TMEM182: variants seen among roughly 807,000 people sequenced by gnomAD.
The protein encoded by TMEM182 is transmembrane protein 182.
In TMEM182, 20 loss-of-function variants were observed where a neutral mutation model predicts 26.8. The ratio of observed to expected loss-of-function variants is 0.75; its 90% CI spans 0.53 to 1.09. The LOEUF (loss-of-function observed/expected upper bound fraction) is 1.09. Among genes scored for constraint, TMEM182 ranks in the 50% least tolerant of loss-of-function variants. The pLI, the probability that TMEM182 is intolerant of heterozygous loss-of-function variation, is 0.00. For synonymous variants in TMEM182, 109 were observed against 102.2 expected (o/e 1.07, Z -0.40); for missense variants, 277 against 275.5 (o/e 1.01, Z -0.04).
At chr2:102,810,920 A>G (rs1394916146) in intron 4 of TMEM182, among the ~76,000 whole-genome samples, 1 of 152,078 alleles carries the variant, frequency 6.6e-6, no homozygotes, top group Non-Finnish European at 1.5e-5. Context: ...GTTATTGTTT[A>G]TGTTTTTAAA....
intron 3 of TMEM182, among the ~76,000 whole-genome samples, chr2:102,771,637 G>A (rs2104676157): frequency 6.6e-6 from 1 of 152,160 alleles, no homozygotes; most frequent in Middle Eastern, 3.4e-3. Context: ...CCAGCAGCAT[G>A]GCCTGGGTTC....
chr2:102,748,890 C>T (rs532322393), intron 1 of TMEM182, among the ~76,000 whole-genome samples: 2 of 152,170 alleles, frequency 1.3e-5, no homozygotes, highest in African/African-American at 2.4e-5. Flanking sequence ...TTTGATTCTC[C>T]ACCACTCTTA....
intron 1 of TMEM182, among the ~76,000 whole-genome samples, chr2:102,746,267 C>T (rs1679692984): frequency 6.6e-6 from 1 of 151,696 alleles, no homozygotes; most frequent in South Asian, 2.1e-4. Flanking sequence ...GATAATTTTC[C>T]TGTTTTTTAA....
upstream of TMEM182, among the ~76,000 whole-genome samples, chr2:102,758,222 C>G (rs1680105336): frequency 6.6e-6 from 1 of 152,010 alleles, no homozygotes. Flanking sequence ...TTTTCCTGGC[C>G]TTTCATTAAA....
intron 4 of TMEM182, among the ~76,000 whole-genome samples, chr2:102,799,941 A>G (rs1408728739): frequency 2.0e-5 from 3 of 152,134 alleles, no homozygotes. Flanking sequence ...AAGGTCAGAG[A>G]AAAACTTTTG....
At chr2:102,741,400 T>C (rs1384263782) in intron 1 of TMEM182, among the ~76,000 whole-genome samples, 1 of 151,976 alleles carries the variant, frequency 6.6e-6, no homozygotes, top group Non-Finnish European at 1.5e-5. Context: ...TTCCGTCAGG[T>C]TCCCAGCAGA....
At chr2:102,821,043 C>A (rs1471117150), downstream of TMEM182, among the ~76,000 whole-genome samples, 1 of 152,166 alleles carries the variant, frequency 6.6e-6, no homozygotes, top group African/African-American at 2.4e-5. Context: ...CAAAGTCCTG[C>A]AGTGGCCACA....
chr2:102,782,675 C>T (rs988725153), intron 3 of TMEM182, among the ~76,000 whole-genome samples: 1 of 152,102 alleles, frequency 6.6e-6, no homozygotes, highest in Non-Finnish European at 1.5e-5. Context: ...TAACTTTTTT[C>T]ATAGTCAACT....
At chr2:102,817,971 C>A (rs544788802), downstream of TMEM182, among the ~76,000 whole-genome samples, 5 of 152,240 alleles carry the variant, frequency 3.3e-5, no homozygotes, top group Admixed American at 2.0e-4. Flanking sequence ...TTTCTATTTT[C>A]TTAAAAGTAA....
chr2:102,761,991 G>A, upstream of TMEM182: 2 of 415,164 alleles, frequency 4.8e-6, no homozygotes, highest in Non-Finnish European at 8.7e-6. Context: ...ATTCTCAGCT[G>A]CTGGGCTGGA....
intron 3 of TMEM182, among the ~76,000 whole-genome samples, chr2:102,835,733 A>G (rs1056193040): frequency 2.6e-5 from 4 of 152,010 alleles, no homozygotes; most frequent in African/African-American, 9.7e-5. Flanking sequence ...GTTTTAGGGT[A>G]CATGTGCACA....
At chr2:102,796,888 T>A (rs560124498) in intron 3 of TMEM182, among the ~76,000 whole-genome samples, 156 of 152,316 alleles carry the variant, frequency 1.0e-3, no homozygotes, top group African/African-American at 3.6e-3. Context: ...GAAAAAAAAA[T>A]ATTCTTTTCC....
chr2:102,791,337 A>C (rs771666609), intron 3 of TMEM182, among the ~76,000 whole-genome samples: 1 of 152,244 alleles, frequency 6.6e-6, no homozygotes, highest in Non-Finnish European at 1.5e-5. Flanking sequence ...ATATAGTTAC[A>C]CAGAATATGT....
chr2:102,769,159 G>C (rs1680577888), intron 3 of TMEM182, among the ~76,000 whole-genome samples: 1 of 152,112 alleles, frequency 6.6e-6, no homozygotes, highest in South Asian at 2.1e-4. Context: ...ATATCCCTCT[G>C]CTTGGGACAT....
rs148037586 is a variant in TMEM182, at chr2:102,838,039, T to C, written c.326-5373T>C. ...CCAGGCCCTGTGTGACTGCCCAAGG[T>C]AACCCTACCCCGGAAGCTGGCCCTG... On this transcript the variant is annotated intron_variant, in intron 3 of 3. Transcript: ENST00000486293. 7.1e-3 allele frequency among the ~76,000 whole-genome samples: 1,083 copies of C among 152,348 alleles called. 15 individuals are homozygous for C. The highest frequency in any genetic ancestry group is 0.025 in the African/African-American group (1,041 of 41,588).
rs574048764 is a variant in TMEM182 at position 102,753,006 on chromosome 2, A to G, written c.-82-5383A>G. ...ATGAGGAAATTAAATTGAAATTACA[A>G]TAGTTTAAAATGTATATTTGTTTAT... On this transcript the variant is annotated intron_variant, in intron 1 of 5. Coordinates refer to the TMEM182 transcript ENST00000409173. 1.1e-4 allele frequency among the ~76,000 whole-genome samples: 16 copies of G among 152,358 alleles called. No homozygotes were observed. The South Asian group carries it at 1.5e-3, about 14-fold the overall frequency.
At chr2:102,774,829 G>C (rs1334791493) in intron 3 of TMEM182, among the ~76,000 whole-genome samples, 1 of 151,942 alleles carries the variant, frequency 6.6e-6, no homozygotes, top group East Asian at 1.9e-4. Flanking sequence ...CTATTCCTCT[G>C]CTAGTACCAC....
chr2:102,777,842 T>C (rs935151782), intron 3 of TMEM182, among the ~76,000 whole-genome samples: 3 of 151,790 alleles, frequency 2.0e-5, no homozygotes, highest in African/African-American at 7.2e-5. Context: ...GTCATTGATT[T>C]CTAGTTCATT....
chr2:102,835,633 C>T (rs929088781), intron 3 of TMEM182, among the ~76,000 whole-genome samples: 5 of 152,078 alleles, frequency 3.3e-5, no homozygotes, highest in Admixed American at 6.6e-5. Flanking sequence ...CTGAAAACCA[C>T]GGATCTTTTC....
Sources: allele counts gnomAD v4.1 joint callset (sites outside exome capture counted in the v4.1 genomes callset), GRCh38; gene constraint gnomAD v4.1.1; transcripts MANE v1.5; gene names NCBI Gene and HGNC (gene_info 2026-07-23, HGNC 2026-07-21).